The following PPP6R3 variants were observed in gnomAD, a reference collection of about 807,000 sequenced individuals.
PPP6R3 encodes serine/threonine-protein phosphatase 6 regulatory subunit 3.
A neutral mutation model predicts 110.7 loss-of-function variants in PPP6R3; 38 were observed. The ratio of observed to expected loss-of-function variants is 0.34; its 90% CI spans 0.26 to 0.45. PPP6R3 has a LOEUF of 0.45. PPP6R3 is among the 20% of genes least tolerant of loss of function. The probability of loss-of-function intolerance (pLI) is 1.00; values close to 1 mark genes in which losing one functional copy is unlikely to be tolerated. For synonymous variants in PPP6R3, 369 were observed against 373.5 expected (o/e 0.99, Z 0.14); for missense variants, 870 against 1,062.4 (o/e 0.82, Z 2.52).
chr11:68,585,611 A>G (rs926648336), intron 15 of PPP6R3, among the ~76,000 whole-genome samples: 1 of 152,190 alleles, frequency 6.6e-6, no homozygotes, highest in Non-Finnish European at 1.5e-5. Flanking sequence ...TCACTTACAT[A>G]TATTTGTAAG....
In PPP6R3 at chr11:68,474,446, T is replaced by C. The variant is rs182452486; in HGVS notation, c.-158+13619T>C. The stretch of plus-strand genomic sequence containing the variant: ...TGCTTTTTTTTCAAAAAAGAAATGC[T>C]GTATTTTTCCTGTTTTTAACTTACC... On this transcript the variant is annotated intron_variant, in intron 1 of 23. Coordinates refer to ENST00000393800, the MANE Select transcript of PPP6R3 (RefSeq NM_001164161.2). Among the ~76,000 whole-genome samples, 51 of 152,330 alleles carry C rather than the reference T, an allele frequency of 3.3e-4. No individual in the cohort carries two copies. The South Asian group carries it at 3.9e-3, about 12-fold the overall frequency.
At chr11:68,591,095 G>T (rs1052217368) in intron 17 of PPP6R3, among the ~76,000 whole-genome samples, 2 of 152,092 alleles carry the variant, frequency 1.3e-5, no homozygotes, top group African/African-American at 2.4e-5. Context: ...CGAGACAGTC[G>T]TGTCACCTGA....
rs554769897 is a variant in PPP6R3 at position 68,543,722 on chromosome 11, G to T, written c.228-1116G>T. ...GCCACTCCTGATGACTTGTTGGGGC[G>T]CTGGGTCCTGGCTGTCCAGCAGGGA... On this transcript the variant is annotated intron_variant, in intron 3 of 23. Coordinates refer to ENST00000393800, the MANE Select transcript of PPP6R3 (RefSeq NM_001164161.2). Among the ~76,000 whole-genome samples the T allele has an allele frequency of 1.5e-4, 23 of 152,340 alleles. No homozygotes were observed. The East Asian group carries it at 2.1e-3, about 14-fold the overall frequency.
In PPP6R3 at chr11:68,558,617, T is replaced by C. The variant is rs772648952; in HGVS notation, c.783T>C (p.Asn261=). The C allele has an allele frequency of 6.2e-7, 1 of 1,613,430 alleles. No individual in the cohort carries two copies. The highest frequency in any genetic ancestry group is 2.2e-5 in the East Asian group (1 of 44,828). Residue 261 remains asparagine (N), a synonymous_variant, in exon 8 of 24, where the codon AAT becomes AAC. Transcript: ENST00000393800. ...CAAATATTTTCCACAAGGAGAAAAA[T>C]GAGTCAGCCATAGTCAGTGCAATCC... ...LLSNIFHKEK[N]ESAIVSAIQI... is the part of the protein sequence containing the mutation.
chr11:68,478,744 G>A (rs1294290942), intron 1 of PPP6R3, among the ~76,000 whole-genome samples: 19 of 130,236 alleles, frequency 1.5e-4, no homozygotes, highest in African/African-American at 4.6e-4. Context: ...TGCAACCTCC[G>A]CCTCCCGGGT....
At chr11:68,544,592 C>T (rs7935578) in intron 3 of PPP6R3, among the ~76,000 whole-genome samples, 8 of 152,150 alleles carry the variant, frequency 5.3e-5, no homozygotes, top group Non-Finnish European at 1.0e-4. Flanking sequence ...GTACTAGGTG[C>T]GCTCTAGTTT....
intron 15 of PPP6R3, chr11:68,586,639 C>T (rs912752495): frequency 6.6e-6 from 1 of 152,392 alleles, no homozygotes; most frequent in East Asian, 1.9e-4. Context: ...TGGGTTCTCT[C>T]TGTCTAGTCA....
chr11:68,594,033 C>T (rs932438360), intron 18 of PPP6R3, among the ~76,000 whole-genome samples: 2 of 151,470 alleles, frequency 1.3e-5, no homozygotes, highest in African/African-American at 4.9e-5. Flanking sequence ...GATTTAAATA[C>T]AAAGAAACAA....
chr11:68,554,682 GT>G (rs1257470598), intron 7 of PPP6R3, among the ~76,000 whole-genome samples: 2 of 152,182 alleles, frequency 1.3e-5, no homozygotes, highest in African/African-American at 2.4e-5. Flanking sequence ...GTTATCTCAT[GT>G]TTAGGTTGAA....
chr11:68,493,406 TTATG>T (rs1565395027), intron 1 of PPP6R3, among the ~76,000 whole-genome samples: 1 of 151,980 alleles, frequency 6.6e-6, no homozygotes, highest in Non-Finnish European at 1.5e-5. Context: ...TGTCATGAGA[TTATG>T]TAATCAAAAG....
At chr11:68,526,960 G>T (rs1254687494) in intron 2 of PPP6R3, among the ~76,000 whole-genome samples, 3 of 152,202 alleles carry the variant, frequency 2.0e-5, no homozygotes, top group African/African-American at 7.2e-5. Context: ...CTTTAAAAAA[G>T]TGAAGTGAAT....
chr11:68,608,048 A>G (rs1441668435), intron 22 of PPP6R3, among the ~76,000 whole-genome samples: 1 of 151,920 alleles, frequency 6.6e-6, no homozygotes, highest in African/African-American at 2.4e-5. Flanking sequence ...AAAAAAAAAA[A>G]AAGCCTTCAA....
At chr11:68,480,689 T>C (rs1337371644) in intron 1 of PPP6R3, among the ~76,000 whole-genome samples, 1 of 152,226 alleles carries the variant, frequency 6.6e-6, no homozygotes, top group African/African-American at 2.4e-5. Context: ...GATTATTCTT[T>C]TGGTGTCTTG....
intron 2 of PPP6R3, among the ~76,000 whole-genome samples, chr11:68,523,702 C>T (rs903045402): frequency 5.7e-4 from 18 of 31,466 alleles, no homozygotes; most frequent in East Asian, 4.8e-3. Flanking sequence ...TACCCATGCC[C>T]CCCTGCCCCC....
intron 1 of PPP6R3, among the ~76,000 whole-genome samples, chr11:68,470,698 A>C (rs1429363120): frequency 1.3e-5 from 2 of 152,072 alleles, no homozygotes; most frequent in Non-Finnish European, 2.9e-5. Context: ...GGTGGGAGTG[A>C]GAAGAGGTTG....
chr11:68,559,295 A>G (rs1260801426), intron 8 of PPP6R3, among the ~76,000 whole-genome samples: 5 of 152,222 alleles, frequency 3.3e-5, no homozygotes, highest in Non-Finnish European at 7.3e-5. Context: ...CAGCCATTTC[A>G]TGTGTGTCAT....
chr11:68,533,743 T>G (rs2099254384), intron 2 of PPP6R3, among the ~76,000 whole-genome samples: 1 of 151,584 alleles, frequency 6.6e-6, no homozygotes, highest in Non-Finnish European at 1.5e-5. Flanking sequence ...ATTAATCACT[T>G]TACAACAGAT....
chr11:68,540,599 G>T (rs886714905), intron 3 of PPP6R3, among the ~76,000 whole-genome samples: 1 of 152,110 alleles, frequency 6.6e-6, no homozygotes, highest in East Asian at 1.9e-4. Flanking sequence ...TTTGTTAGGC[G>T]GGAAGTTCCT....
At chr11:68,462,125 T>C (rs1238358907) in intron 1 of PPP6R3, among the ~76,000 whole-genome samples, 1 of 152,252 alleles carries the variant, frequency 6.6e-6, no homozygotes, top group East Asian at 1.9e-4. Context: ...GCTAGAGCTG[T>C]GCCTGGCACA....
Sources: allele counts gnomAD v4.1 joint callset (sites outside exome capture counted in the v4.1 genomes callset), GRCh38; gene constraint gnomAD v4.1.1; transcripts MANE v1.5; gene names NCBI Gene and HGNC (gene_info 2026-07-23, HGNC 2026-07-21).